DNAI2: variants seen among roughly 807,000 people sequenced by gnomAD.
DNAI2 encodes the protein dynein axonemal intermediate chain 2.
DNAI2 carries 63 observed loss-of-function variants against 74.7 expected under a neutral mutation model. The ratio of observed to expected loss-of-function variants is 0.84; its 90% CI spans 0.69 to 1.04. The LOEUF (loss-of-function observed/expected upper bound fraction) is 1.04. Among genes scored for constraint, DNAI2 ranks in the 50% least tolerant of loss-of-function variants. The pLI is 0.00. For synonymous variants in DNAI2, 289 were observed against 314.9 expected, an observed-to-expected ratio of 0.92 and a Z score of 0.87; for missense variants, 688 against 803.2, an observed-to-expected ratio of 0.86 and a Z score of 1.73.
At chr17:74,288,750 T>C (rs908682494) in intron 4 of DNAI2, among the ~76,000 whole-genome samples, 2 of 151,748 alleles carry the variant, frequency 1.3e-5, no homozygotes, top group African/African-American at 2.4e-5. Context: ...TTGCAGAAAG[T>C]GGGTGGAAGT....
At chr17:74,287,679 G>A (rs151188579) in intron 4 of DNAI2, among the ~76,000 whole-genome samples, 1 of 152,250 alleles carries the variant, frequency 6.6e-6, no homozygotes, top group Non-Finnish European at 1.5e-5. Flanking sequence ...GGCAGTCTGG[G>A]CATGGTGGCT....
At chr17:74,301,341 G>A (rs1288160676) in intron 8 of DNAI2, among the ~76,000 whole-genome samples, 173 bp downstream of exon 8, 3 of 152,142 alleles carry the variant, frequency 2.0e-5, no homozygotes, top group Non-Finnish European at 4.4e-5. Flanking sequence ...TTTCCAGCAG[G>A]GGGCAGCAGA....
Position 74,296,278 on chromosome 17 carries a change from T to G in DNAI2, c.725-3440T>G, listed in dbSNP as rs532192521. Among the ~76,000 whole-genome samples the G allele has an allele frequency of 4.2e-5, 6 of 144,426 alleles. No individual in the cohort carries two copies. The East Asian group carries it at 1.2e-3, about 29-fold the overall frequency. 94.7% of individuals were successfully genotyped at this position (144,426 alleles called of 152,430 possible). ...TCGCCTGCATTCAGGAGTTTGAAAC[T>G]AGCCTGTGCAGCATAGTGAGATCTT... On this transcript the variant is annotated intron_variant, in intron 6 of 13. Coordinates refer to ENST00000311014, the MANE Select transcript of DNAI2 (RefSeq NM_023036.6).
chr17:74,281,023 G>A (rs75433269), intron 1 of DNAI2, among the ~76,000 whole-genome samples: 1 of 147,314 alleles, frequency 6.8e-6, no homozygotes, highest in South Asian at 2.2e-4. Flanking sequence ...GGGGGTTGAG[G>A]CTGCAGTGAG....
In DNAI2 at chr17:74,293,554, T is replaced by C. The variant is rs142115365; in HGVS notation, c.724+2421T>C. Among the ~76,000 whole-genome samples the C allele has an allele frequency of 3.7e-3, 563 of 151,706 alleles. 3 individuals are homozygous for C. Among genetic ancestry groups the C allele is most frequent in the Non-Finnish European group, 5.6e-3 (380 of 67,882 alleles). On this transcript the variant is annotated intron_variant, in intron 6 of 13. Transcript: ENST00000311014. ...GCCTCTTTGAATCTAAAGTATGTCT[T>C]GTAGCCAGGTGTGGTGACACGCACC... is the stretch of plus-strand genomic sequence containing the variant.
intron 2 of DNAI2, among the ~76,000 whole-genome samples, chr17:74,284,456 A>G (rs1265086893): frequency 6.6e-6 from 1 of 151,920 alleles, no homozygotes; most frequent in African/African-American, 2.4e-5. Flanking sequence ...TCTGTCGCCC[A>G]GGCTGGAGTG....
At chr17:74,309,060 CAAAA>C (rs549880425) in intron 9 of DNAI2, among the ~76,000 whole-genome samples, 189 bp from the exon 10 acceptor site, 4 of 53,788 alleles carry the variant, frequency 7.4e-5, no homozygotes, top group Admixed American at 2.1e-4. Context: ...AAGAGTGTCT[CAAAA>C]AAAAAAAAAA....
At chr17:74,301,513 C>A (rs2052763308) in intron 8 of DNAI2, among the ~76,000 whole-genome samples, 1 of 152,132 alleles carries the variant, frequency 6.6e-6, no homozygotes, top group Non-Finnish European at 1.5e-5. Context: ...GCCTGGACTC[C>A]AACCCAGGTC....
rs986996456 is a variant in DNAI2, at chr17:74,294,260, G to A, written c.724+3127G>A. 3.5e-5 allele frequency among the ~76,000 whole-genome samples: 5 copies of A among 144,828 alleles called. 1 individual carries two copies. In the South Asian group the frequency reaches 6.6e-4, roughly 19 times the overall value. On this transcript the variant is annotated intron_variant, in intron 6 of 13. Coordinates refer to ENST00000311014, the MANE Select transcript of DNAI2 (RefSeq NM_023036.6). Reference sequence around the variant, plus strand: ...CCATAACTGCCTTCTTTTGTGCCACGTATTTTCTAGTGTACCATTTTAATT... The same window carrying A: ...CCATAACTGCCTTCTTTTGTGCCACATATTTTCTAGTGTACCATTTTAATT...
intron 9 of DNAI2, among the ~76,000 whole-genome samples, chr17:74,306,901 A>G (rs2053220855): frequency 6.6e-6 from 1 of 152,228 alleles, no homozygotes; most frequent in Admixed American, 6.5e-5. Flanking sequence ...TACAGGCATG[A>G]GCCACCGTGC....
intron 3 of DNAI2, 102 bp downstream of exon 3, chr17:74,285,303 G>A (rs1056840504): frequency 2.8e-5 from 40 of 1,435,978 alleles, no homozygotes; most frequent in Admixed American, 5.8e-5. Context: ...TGTGAGGCTC[G>A]TGTGAATGCT....
In DNAI2 at chr17:74,291,092, A is replaced by T; in HGVS notation, c.683A>T (p.Asp228Val). The T allele has an allele frequency of 2.5e-6, 4 of 1,614,178 alleles. No homozygotes were observed. Among genetic ancestry groups the T allele is most frequent in the Non-Finnish European group, 3.4e-6 (4 of 1,180,032 alleles). The change falls in exon 6 of 14, where the codon GAT (aspartate) becomes GTT (valine). Residue 228 changes from aspartate (D) to valine (V), a missense_variant. Asp to Val is a radical substitution (Grantham distance 152). Coordinates refer to ENST00000311014, the MANE Select transcript of DNAI2 (RefSeq NM_023036.6). ...GTGACGTTGGAGTTCAACCCCAAAGATTCCCACGTACTCCTGGGTGGCTGC... is the reference window on the plus strand; with the variant it reads ...GTGACGTTGGAGTTCAACCCCAAAGTTTCCCACGTACTCCTGGGTGGCTGC... ...PLVTLEFNPK[D>V]SHVLLGGCYN...
At chr17:74,304,692 C>A (rs1427526909) in intron 8 of DNAI2, among the ~76,000 whole-genome samples, 1 of 152,250 alleles carries the variant, frequency 6.6e-6, no homozygotes, top group East Asian at 1.9e-4. Context: ...GGTAGGGGGA[C>A]GAGTTACATC....
chr17:74,285,004 A>AATTT, intron 2 of DNAI2, 36 bp from the exon 3 acceptor site: 1 of 1,613,734 alleles, frequency 6.2e-7, no homozygotes, highest in Non-Finnish European at 8.5e-7. Flanking sequence ...GGAGTATACC[A>AATTT]GGGTGACGTC....
rs1463518851 is a variant in DNAI2, at chr17:74,305,398, C to T, written c.1167C>T (p.Arg389=). ...NFLTVGDWTA[R]IWSEDSRESS... Reference sequence around the variant, plus strand: ...TGACGGTTGGCGACTGGACAGCCCGCATTTGGTCTGAAGACAGCCGGGAAT... The same window carrying T: ...TGACGGTTGGCGACTGGACAGCCCGTATTTGGTCTGAAGACAGCCGGGAAT... The change falls in exon 9 of 14, where the codon CGC becomes CGT. Residue 389 remains arginine (R), a synonymous_variant. Coordinates refer to ENST00000311014, the MANE Select transcript of DNAI2 (RefSeq NM_023036.6). 6.2e-7 allele frequency: 1 copy of T among 1,614,196 alleles called. No homozygotes were observed. The highest frequency in any genetic ancestry group is 8.5e-7 in the Non-Finnish European group (1 of 1,180,040).
chr17:74,304,186 C>CTTTT (rs56696514), intron 8 of DNAI2, among the ~76,000 whole-genome samples: 23 of 67,650 alleles, frequency 3.4e-4, no homozygotes, highest in African/African-American at 1.1e-3. Context: ...TTTCTTTTTT[C>CTTTT]TTTTTTTTTT....
chr17:74,309,102 G>C (rs1211979688), intron 9 of DNAI2, 151 bp from the exon 10 acceptor site: 1 of 739,510 alleles, frequency 1.4e-6, no homozygotes, highest in East Asian at 2.9e-5. Flanking sequence ...CTGTGGATGA[G>C]TGAGGTCAGC....
rs1230623468 is a variant in DNAI2, at chr17:74,304,369, C to T, written c.988-850C>T. On this transcript the variant is annotated intron_variant, in intron 8 of 13. Coordinates refer to ENST00000311014, the MANE Select transcript of DNAI2 (RefSeq NM_023036.6). Reference sequence around the variant, plus strand: ...GACAAAGGCCCTCCCCTCAGTGTGCCCCTCCCCTACCTCACTCAGCTGTTC... The same window carrying T: ...GACAAAGGCCCTCCCCTCAGTGTGCTCCTCCCCTACCTCACTCAGCTGTTC... Among the ~76,000 whole-genome samples the T allele has an allele frequency of 2.0e-5, 3 of 151,436 alleles. No homozygotes were observed. The East Asian group carries it at 5.8e-4, about 29-fold the overall frequency.
chr17:74,313,956 TG>T, intron 12 of DNAI2, 164 bp from the exon 13 acceptor site: 1 of 1,066,970 alleles, frequency 9.4e-7, no homozygotes. Flanking sequence ...CCGCACTGTC[TG>T]GGCCCTCACC....
Sources: gnomAD v4.1 joint callset for allele counts (sites outside exome capture counted in the v4.1 genomes callset) on GRCh38, gnomAD v4.1.1 for gene constraint, MANE v1.5 for transcripts, NCBI Gene and HGNC (gene_info 2026-07-23, HGNC 2026-07-21) for gene names.